The following ARHGAP21 variants were observed in gnomAD, a reference collection of about 807,000 sequenced individuals.
ARHGAP21 encodes Rho GTPase activating protein 21.
A neutral mutation model predicts 164.6 loss-of-function variants in ARHGAP21; 38 were observed. That is an observed-to-expected ratio of 0.23 (90% CI 0.18 to 0.30). The LOEUF (loss-of-function observed/expected upper bound fraction) is 0.30, where lower values mean the gene tolerates loss of function less well. Ranked by LOEUF, ARHGAP21 falls within the 10% of genes least tolerant of loss-of-function variation. The pLI is 1.00. For synonymous variants in ARHGAP21, 766 were observed against 857.9 expected (o/e 0.89, Z 1.87); for missense variants, 1,822 against 2,370.7 (o/e 0.77, Z 4.81).
At chr10:24,668,613 T>C (rs752071365) in intron 3 of ARHGAP21, among the ~76,000 whole-genome samples, 2 of 152,106 alleles carry the variant, frequency 1.3e-5, no homozygotes, top group Non-Finnish European at 2.9e-5. Flanking sequence ...TGTTTAATAC[T>C]GGAAGTGTTT....
At chr10:24,606,759 T>G (rs2130979207) in intron 11 of ARHGAP21, among the ~76,000 whole-genome samples, 1 of 152,290 alleles carries the variant, frequency 6.6e-6, no homozygotes, top group East Asian at 1.9e-4. Context: ...GAGAATCGCT[T>G]GAACCCGGGA....
intron 21 of ARHGAP21, among the ~76,000 whole-genome samples, 166 bp from the exon 22 acceptor site, chr10:24,592,178 T>C (rs2076360079): frequency 6.7e-6 from 1 of 148,616 alleles, no homozygotes; most frequent in South Asian, 2.2e-4. Context: ...TTTTTTTTTT[T>C]TTTCTGAGAC....
chr10:24,633,610 G>A, intron 5 of ARHGAP21, 130 bp from the exon 6 acceptor site: 1 of 507,710 alleles, frequency 2.0e-6, no homozygotes, highest in Non-Finnish European at 3.4e-6. Context: ...ATACAGAGTT[G>A]TGAGAAAATT....
intron 2 of ARHGAP21, among the ~76,000 whole-genome samples, chr10:24,715,088 T>C (rs142815170): frequency 2.1e-4 from 32 of 152,222 alleles, no homozygotes; most frequent in South Asian, 1.0e-3. Flanking sequence ...AAGTGTTGCT[T>C]TGAGCAGTGT....
chr10:24,655,921 T>G (rs1593183883), intron 4 of ARHGAP21, among the ~76,000 whole-genome samples: 2 of 91,668 alleles, frequency 2.2e-5, no homozygotes, highest in South Asian at 4.5e-4. Context: ...GTCTGGGAGG[T>G]GAGGAGCGTC....
Position 24,607,583 on chromosome 10 carries a change from C to T in ARHGAP21, c.2600G>A (p.Ser867Asn). 1 of 1,614,036 alleles carries T rather than the reference C, an allele frequency of 6.2e-7. No homozygotes were observed. The highest frequency in any genetic ancestry group is 8.5e-7 in the Non-Finnish European group (1 of 1,179,968). The part of the protein sequence containing the change: ...SHDHESVGPP[S>N]LDAQPNSKTE... ...CTTTGAGTTGGGCTGAGCATCCAGG[C>T]TAGGAGGGCCAACAGATTCTGTAAT... The change falls in exon 11 of 26, where the codon AGC becomes AAC. Residue 867 changes from serine to asparagine, a missense_variant. Ser to Asn is a conservative substitution (Grantham distance 46, BLOSUM62 1). This residue lies in a region of ARHGAP21 where 1,090 missense variants were observed against 1,378.9 expected (regional missense o/e 0.79). Coordinates refer to ENST00000396432, the MANE Select transcript of ARHGAP21 (RefSeq NM_020824.4).
intron 2 of ARHGAP21, among the ~76,000 whole-genome samples, chr10:24,712,945 A>T (rs1242611447): frequency 6.6e-6 from 1 of 152,014 alleles, no homozygotes; most frequent in Admixed American, 6.6e-5. Context: ...TTTACTAGGC[A>T]AATACTGGGT....
chr10:24,588,085 GAAATGCAAGGAAT>G (rs1213767905), intron 25 of ARHGAP21, among the ~76,000 whole-genome samples: 1 of 152,148 alleles, frequency 6.6e-6, no homozygotes, highest in Non-Finnish European at 1.5e-5. Context: ...ATTTGACAAA[GAAATGCAAGGAAT>G]GATCCTTGAC....
intron 2 of ARHGAP21, among the ~76,000 whole-genome samples, chr10:24,702,225 G>A (rs1003440971): frequency 2.1e-5 from 3 of 139,982 alleles, no homozygotes; most frequent in African/African-American, 8.0e-5. Context: ...CCATTTCCCG[G>A]GTTCACGCCA....
intron 4 of ARHGAP21, chr10:24,640,228 TG>T (rs1383786529): frequency 1.3e-5 from 2 of 151,582 alleles, no homozygotes; most frequent in Non-Finnish European, 1.5e-5. Context: ...TTAGCAGGAC[TG>T]GGGCTGGTTA....
At chr10:24,683,034 T>G (rs1473188650) in intron 2 of ARHGAP21, among the ~76,000 whole-genome samples, 6 of 145,668 alleles carry the variant, frequency 4.1e-5, no homozygotes, top group Non-Finnish European at 8.9e-5. Context: ...AGGCGGAGCA[T>G]GCAGTGAGTG....
chr10:24,590,183 C>T, intron 24 of ARHGAP21: 1 of 1,417,758 alleles, frequency 7.1e-7, no homozygotes, highest in East Asian at 2.5e-5. Flanking sequence ...TGCTTTATGA[C>T]TTTAAGAACT....
At chr10:24,659,062 T>C (rs1216835992) in intron 4 of ARHGAP21, among the ~76,000 whole-genome samples, 1 of 152,166 alleles carries the variant, frequency 6.6e-6, no homozygotes, top group Non-Finnish European at 1.5e-5. Flanking sequence ...TGTACAGAAA[T>C]TAGAACCCTC....
chr10:24,587,836 TTTTCTACA>T (rs1394944995), intron 25 of ARHGAP21, among the ~76,000 whole-genome samples: 1 of 152,106 alleles, frequency 6.6e-6, no homozygotes, highest in Non-Finnish European at 1.5e-5. Flanking sequence ...ATTACTCTAC[TTTTCTACA>T]GAGACTGTTT....
At chr10:24,592,109 G>A in intron 21 of ARHGAP21, 97 bp from the exon 22 acceptor site, 23 of 847,676 alleles carry the variant, frequency 2.7e-5, no homozygotes, top group South Asian at 3.5e-5. Context: ...AGAATAAACA[G>A]AAAAATAGCT....
chr10:24,634,339 T>C (rs989169626), intron 5 of ARHGAP21, among the ~76,000 whole-genome samples: 1 of 152,292 alleles, frequency 6.6e-6, no homozygotes, highest in South Asian at 2.1e-4. Flanking sequence ...AAATATAGCA[T>C]TGTATTTAAA....
chr10:24,607,927 A>C, intron 9 of ARHGAP21, 24 bp from the exon 10 acceptor site: 1 of 1,576,060 alleles, frequency 6.3e-7, no homozygotes, highest in Non-Finnish European at 8.6e-7. Context: ...GGAAAATCAG[A>C]ATGTTCAATG....
chr10:24,622,433 CATATATATATATATATATATATAT>C (rs10530408), intron 8 of ARHGAP21, among the ~76,000 whole-genome samples: 31,549 of 90,058 alleles, frequency 0.35, 5,558 homozygotes, highest in Admixed American at 0.43. Flanking sequence ...ACTTAAAAAA[CATATATATATATATATATATATAT>C]ATATATATAT....
At position 24,595,879 on chromosome 10, in the gene ARHGAP21, C is replaced by T. The variant is rs2076560230; in HGVS notation, c.3633+9G>A. On this transcript the variant is annotated intron_variant, in intron 18 of 25. Transcript: ENST00000396432. ...AAAAAGGATCAGTTATTCAAATAAG[C>T]AAACTTACATCATCTTGTATATCAA... 6.2e-7 allele frequency: 1 copy of T among 1,611,410 alleles called. No individual in the cohort carries two copies. The highest frequency in any genetic ancestry group is 1.3e-5 in the African/African-American group (1 of 74,756).
Sources: gnomAD v4.1 joint callset for allele counts (sites outside exome capture counted in the v4.1 genomes callset) on GRCh38, gnomAD v4.1.1 for gene constraint, gnomAD v4.1.1 regional missense constraint, MANE v1.5 for transcripts, NCBI Gene and HGNC (gene_info 2026-07-23, HGNC 2026-07-21) for gene names.